AHNAK: variants seen among roughly 807,000 people sequenced by gnomAD.
AHNAK encodes the protein neuroblast differentiation-associated protein AHNAK.
Under a neutral mutation model 37.8 loss-of-function variants are expected in AHNAK, and 23 were observed. The ratio of observed to expected loss-of-function variants is 0.61; its 90% CI spans 0.44 to 0.86. The LOEUF is 0.86. Ranked by LOEUF, AHNAK falls within the 40% of genes least tolerant of loss-of-function variation. AHNAK has a pLI of 0.00. For synonymous variants in AHNAK, 2,481 were observed against 2,636.3 expected (o/e 0.94, Z 1.80); for missense variants, 7,411 against 7,319.4 (o/e 1.01, Z -0.46).
Position 62,518,057 on chromosome 11 carries a change from A to C in AHNAK, c.16360T>G (p.Phe5454Val). The C allele has an allele frequency of 6.2e-7, 1 of 1,614,170 alleles. No individual in the cohort carries two copies. The highest frequency in any genetic ancestry group is 1.6e-4 in the Middle Eastern group (1 of 6,062). ...GPRISAPNVD[F>V]NLEGPKVKGS... ...TTCACTTTTGGTCCTTCCAAGTTAA[A>C]GTCCACATTCGGTGCTGAAATCCGA... The change falls in exon 5 of 5, where the codon TTT becomes GTT. Residue 5454 changes from phenylalanine to valine, a missense_variant. Phe to Val is a conservative substitution (Grantham distance 50). Coordinates refer to ENST00000378024, the MANE Select transcript of AHNAK (RefSeq NM_001620.3).
chr11:62,470,657 G>C (rs569185993), intron 5 of AHNAK, among the ~76,000 whole-genome samples: 1 of 152,164 alleles, frequency 6.6e-6, no homozygotes, highest in South Asian at 2.1e-4. Context: ...TCATCCAGAT[G>C]CTCATTAATG....
intron 5 of AHNAK, among the ~76,000 whole-genome samples, chr11:62,488,522 C>T (rs1590624583): frequency 6.6e-6 from 1 of 151,786 alleles, no homozygotes; most frequent in African/African-American, 2.4e-5. Context: ...CTGCCTCAGC[C>T]TCCTGATTAG....
chr11:62,523,822 T>G lies in AHNAK; in HGVS notation c.10595A>C (p.Lys3532Thr). ...PEGGLKGPKFKMPDMNIKAPK... is the reference protein window; with the variant it reads ...PEGGLKGPKFTMPDMNIKAPK... ...AGCTTTGATATTCATGTCAGGCATC[T>G]TGAATTTGGGACCTTTCAAGCCTCC... The change falls in exon 5 of 5, where the codon AAG becomes ACG. Residue 3532 changes from lysine (K) to threonine (T), a missense_variant. Lys to Thr is a moderately conservative substitution (Grantham distance 78). Transcript: ENST00000378024. The G allele has an allele frequency of 1.9e-6, 3 of 1,614,184 alleles. No individual in the cohort carries two copies. Among genetic ancestry groups the G allele is most frequent in the Non-Finnish European group, 2.5e-6 (3 of 1,180,032 alleles).
intron 5 of AHNAK, among the ~76,000 whole-genome samples, chr11:62,455,903 G>A (rs904925774): frequency 1.3e-5 from 2 of 151,470 alleles, no homozygotes; most frequent in African/African-American, 2.4e-5. Flanking sequence ...ACTAGCTGTG[G>A]TGGCGGGTGC....
downstream of AHNAK, among the ~76,000 whole-genome samples, chr11:62,512,884 G>A (rs1183743492): frequency 7.3e-6 from 1 of 137,830 alleles, no homozygotes; most frequent in Non-Finnish European, 1.6e-5. The surrounding 1 kb of genome is among the most constrained non-coding windows in gnomAD (Gnocchi z 4.0). Context: ...GGGAGGGAGG[G>A]AGGGAGGGAG....
chr11:62,544,923 C>T (rs1401434544), intron 1 of AHNAK, among the ~76,000 whole-genome samples: 2 of 152,192 alleles, frequency 1.3e-5, no homozygotes, highest in Non-Finnish European at 2.9e-5. Context: ...CTACCATGCA[C>T]TAGGCTGTGC....
At chr11:62,437,184 T>A (rs1938191075) in intron 5 of AHNAK, among the ~76,000 whole-genome samples, 1 of 152,210 alleles carries the variant, frequency 6.6e-6, no homozygotes, top group African/African-American at 2.4e-5. Context: ...ATTAATGGAA[T>A]CAGAGCATAT....
Position 62,519,657 on chromosome 11 carries a change from A to T in AHNAK, c.14760T>A (p.Asp4920Glu), listed in dbSNP as rs1055461708. 8 of 1,613,976 alleles carry T rather than the reference A, an allele frequency of 5.0e-6. No individual in the cohort carries two copies. Among genetic ancestry groups the T allele is most frequent in the Non-Finnish European group, 6.8e-6 (8 of 1,180,016 alleles). Residue 4920 changes from aspartate to glutamate, a missense_variant, in exon 5 of 5, where the codon GAT becomes GAA. Transcript: ENST00000378024. ...TTGGTGCCTTGAGATGCAAATCAAC[A>T]TCAGGAGCAGTTACTTTAGGAGCAG... ...EISAPKVTAP[D>E]VDLHLKAPKI...
At chr11:62,434,885 A>G (rs899922448) in intron 5 of AHNAK, among the ~76,000 whole-genome samples, 1 of 144,014 alleles carries the variant, frequency 6.9e-6, no homozygotes, top group East Asian at 2.1e-4. Context: ...GTGATCCAAG[A>G]TCCTGTCACT....
At position 62,482,107 on chromosome 11, in the gene AHNAK, A is replaced by G. The variant is rs895844901; in HGVS notation, c.442+9625T>C. 1.1e-4 allele frequency among the ~76,000 whole-genome samples: 17 copies of G among 152,110 alleles called. 1 individual carries two copies. The highest frequency in any genetic ancestry group is 1.8e-4 in the Non-Finnish European group (12 of 67,996). ...GCCCAGCTCATATCTCTCTTCCTCC[A>G]TGAAACCTTCATCAAGATGTATTTA... On this transcript the variant is annotated intron_variant, in intron 5 of 5. Coordinates refer to the AHNAK transcript ENST00000257247.
In AHNAK at chr11:62,531,583, T is replaced by C; in HGVS notation, c.2834A>G (p.Lys945Arg). Residue 945 changes from lysine (K) to arginine (R), a missense_variant, in exon 5 of 5, where the codon AAG becomes AGG. By Grantham distance (26) the Lys-to-Arg change is conservative. Transcript: ENST00000378024. Reference protein sequence around the residue: ...KMPEMNIKAPKISMPDVDLHM... With the variant: ...KMPEMNIKAPRISMPDVDLHM... Reference sequence around the variant, plus strand: ...CAAGTCCACATCAGGCATGGAGATCTTGGGGGCCTTGATATTCATCTCTGG... The same window carrying C: ...CAAGTCCACATCAGGCATGGAGATCCTGGGGGCCTTGATATTCATCTCTGG... 1 of 1,614,100 alleles carries C rather than the reference T, an allele frequency of 6.2e-7. No homozygotes were observed. The highest frequency in any genetic ancestry group is 8.5e-7 in the Non-Finnish European group (1 of 1,180,008).
intron 3 of AHNAK, 95 bp from the exon 4 acceptor site, chr11:62,535,285 T>A: frequency 8.8e-7 from 1 of 1,138,392 alleles, no homozygotes; most frequent in Non-Finnish European, 1.3e-6. Flanking sequence ...TGACTTGAAC[T>A]CATGACCACC....
At chr11:62,471,305 C>T (rs1261509290) in intron 5 of AHNAK, among the ~76,000 whole-genome samples, 2 of 152,116 alleles carry the variant, frequency 1.3e-5, no homozygotes, top group African/African-American at 4.8e-5. Context: ...GGGGGGCTTC[C>T]ACTGGCATCC....
At chr11:62,459,123 G>C (rs1230823095) in intron 5 of AHNAK, among the ~76,000 whole-genome samples, 1 of 152,190 alleles carries the variant, frequency 6.6e-6, no homozygotes, top group African/African-American at 2.4e-5. Context: ...GCAAGGAGCA[G>C]GGGTTCCCAA....
At position 62,533,136 on chromosome 11, in the gene AHNAK, G is replaced by T. The variant is rs769893903; in HGVS notation, c.1281C>A (p.Ser427Arg). Residue 427 changes from serine (S) to arginine (R), a missense_variant, in exon 5 of 5, where the codon AGC becomes AGA. Transcript: ENST00000378024. ...APDIDVQGPGSKLNVPKMKVP... is the reference protein window; with the variant it reads ...APDIDVQGPGRKLNVPKMKVP... ...CTTTCATCTTGGGCACATTCAGTTT[G>T]CTCCCAGGCCCCTGAACATCAATGT... is the stretch of plus-strand genomic sequence containing the variant. The T allele has an allele frequency of 1.3e-6, 2 of 1,558,992 alleles. No homozygotes were observed. The highest frequency in any genetic ancestry group is 1.2e-5 in the South Asian group (1 of 80,476).
At chr11:62,492,482 G>A (rs1283670833) in intron 4 of AHNAK, among the ~76,000 whole-genome samples, 1 of 152,200 alleles carries the variant, frequency 6.6e-6, no homozygotes, top group Admixed American at 6.5e-5. Context: ...CAGCAACACT[G>A]AAACCAGTTC....
intron 5 of AHNAK, among the ~76,000 whole-genome samples, chr11:62,447,100 A>G (rs536100487): frequency 5.8e-4 from 89 of 152,206 alleles, no homozygotes; most frequent in African/African-American, 2.0e-3. Context: ...TAAGTGTCAC[A>G]TCTAGGGGCT....
At chr11:62,504,181 A>AGG (rs1939764999) in intron 4 of AHNAK, among the ~76,000 whole-genome samples, 2 of 152,104 alleles carry the variant, frequency 1.3e-5, no homozygotes, top group Non-Finnish European at 2.9e-5. Context: ...AGAGAGAGAG[A>AGG]GAGAAAGAAA....
At chr11:62,536,209 G>T in intron 2 of AHNAK, 111 bp from the exon 3 acceptor site, 2 of 1,180,784 alleles carry the variant, frequency 1.7e-6, no homozygotes. Flanking sequence ...GGGGCCCTCA[G>T]CAATGCACCT....
Sources: gnomAD v4.1 joint callset for allele counts (sites outside exome capture counted in the v4.1 genomes callset) on GRCh38, gnomAD v4.1.1 for gene constraint, Gnocchi (gnomAD v3.1) non-coding constraint, MANE v1.5 for transcripts, NCBI Gene and HGNC (gene_info 2026-07-23, HGNC 2026-07-21) for gene names.